The following TRIM55 variants were observed in gnomAD, a reference collection of about 807,000 sequenced individuals.
TRIM55 encodes the protein tripartite motif-containing protein 55.
A neutral mutation model predicts 60.9 loss-of-function variants in TRIM55; 50 were observed. That is an observed-to-expected ratio of 0.82 (90% CI 0.65 to 1.04). The LOEUF (loss-of-function observed/expected upper bound fraction) is 1.04, where lower values mean the gene tolerates loss of function less well. Among genes scored for constraint, TRIM55 ranks in the 50% least tolerant of loss-of-function variants. The pLI is 0.00. For synonymous variants in TRIM55, 237 were observed against 238.1 expected (o/e 1.00, Z 0.04); for missense variants, 681 against 666.9 (o/e 1.02, Z -0.23).
At chr8:66,162,857 T>G (rs1375478670) in intron 9 of TRIM55, among the ~76,000 whole-genome samples, 1 of 152,158 alleles carries the variant, frequency 6.6e-6, no homozygotes, top group Non-Finnish European at 1.5e-5. Flanking sequence ...TCTTCTAGAA[T>G]TTTTATAGTG....
intron 9 of TRIM55, among the ~76,000 whole-genome samples, chr8:66,161,845 G>C (rs570450438): frequency 6.6e-6 from 1 of 151,116 alleles, no homozygotes; most frequent in Admixed American, 6.6e-5. Flanking sequence ...GTATAGCAGA[G>C]CTACTGATTT....
the TRIM55 span, chr8:66,113,469 G>A: frequency 1.1e-5 from 5 of 454,322 alleles, no homozygotes; most frequent in Non-Finnish European, 2.2e-5. Context: ...AGACAAGTGC[G>A]GTTTTTTTCT....
the TRIM55 span, among the ~76,000 whole-genome samples, chr8:66,118,982 C>T: frequency 3.3e-3 from 508 of 152,302 alleles, 14 homozygotes; most frequent in East Asian, 0.024. Context: ...TTTAAGAGGA[C>T]CTGGTTTGCA....
At chr8:66,165,936 A>G (rs543359906) in intron 9 of TRIM55, among the ~76,000 whole-genome samples, 1 of 145,710 alleles carries the variant, frequency 6.9e-6, no homozygotes, top group East Asian at 1.9e-4. Flanking sequence ...TACAACTGCA[A>G]TATTATTTTT....
chr8:66,159,517 T>C (rs1454005506), intron 9 of TRIM55, among the ~76,000 whole-genome samples: 5 of 152,238 alleles, frequency 3.3e-5, no homozygotes, highest in Non-Finnish European at 7.3e-5. Flanking sequence ...TAGGTCTTTG[T>C]GTGAATACAT....
intron 4 of TRIM55, among the ~76,000 whole-genome samples, chr8:66,141,332 T>A (rs1809805652): frequency 6.6e-6 from 1 of 152,168 alleles, no homozygotes; most frequent in African/African-American, 2.4e-5. Context: ...TTACCTCCGC[T>A]TCTTGAGAGT....
intron 9 of TRIM55, among the ~76,000 whole-genome samples, chr8:66,168,983 C>T (rs968911447): frequency 6.6e-5 from 10 of 152,108 alleles, no homozygotes; most frequent in Non-Finnish European, 1.0e-4. Context: ...GACAGGTAAG[C>T]GTTAGTGGAT....
chr8:66,142,966 G>A (rs976687369), intron 4 of TRIM55, among the ~76,000 whole-genome samples: 3 of 152,174 alleles, frequency 2.0e-5, no homozygotes, highest in African/African-American at 7.2e-5. Flanking sequence ...TCTTTTTTCA[G>A]TATTGTTAAT....
chr8:66,137,758 G>GAAAAAAA (rs34634925), intron 4 of TRIM55, among the ~76,000 whole-genome samples: 1 of 116,316 alleles, frequency 8.6e-6, no homozygotes, highest in Non-Finnish European at 1.8e-5. Context: ...AATCAACACT[G>GAAAAAAA]AAAAAAAAAA....
At chr8:66,127,515 G>A (rs1808877048) in intron 1 of TRIM55, 79 bp downstream of exon 1, 2 of 1,523,864 alleles carry the variant, frequency 1.3e-6, no homozygotes, top group East Asian at 2.3e-5. Flanking sequence ...TTAACATTGA[G>A]GTGAAATCCT....
chr8:66,149,484 G>T lies in TRIM55; in HGVS notation c.604-161G>T, dbSNP rs115834805. On this transcript the variant is annotated intron_variant, in intron 4 of 9. Transcript: ENST00000315962. Reference sequence around the variant, plus strand: ...ATTTGTTAAAAATGGAATTTCCAAAGCACCAACATAGTGGGTATCCATACC... The same window carrying T: ...ATTTGTTAAAAATGGAATTTCCAAATCACCAACATAGTGGGTATCCATACC... Among the ~76,000 whole-genome samples the T allele has an allele frequency of 5.1e-3, 769 of 152,242 alleles. 8 individuals carry two copies. Among genetic ancestry groups the T allele is most frequent in the African/African-American group, 0.018 (750 of 41,538 alleles).
At chr8:66,128,234 G>A (rs16932535) in intron 1 of TRIM55, 70 bp from the exon 2 acceptor site, 139,070 of 1,394,040 alleles carry the variant, frequency 0.1, 10,919 homozygotes, top group African/African-American at 0.41. Flanking sequence ...GTAGCAGAGA[G>A]TGAAAATAAG....
At chr8:66,120,492 G>A in the TRIM55 span, among the ~76,000 whole-genome samples, 2 of 152,186 alleles carry the variant, frequency 1.3e-5, no homozygotes, top group Non-Finnish European at 2.9e-5. Flanking sequence ...TGTGATGTCA[G>A]CCCAACCTCC....
At chr8:66,120,486 A>T in the TRIM55 span, among the ~76,000 whole-genome samples, 1 of 152,192 alleles carries the variant, frequency 6.6e-6, no homozygotes, top group Non-Finnish European at 1.5e-5. Flanking sequence ...AAGCCATGTG[A>T]TGTCAGCCCA....
chr8:66,147,703 G>A (rs1810170637), intron 4 of TRIM55, among the ~76,000 whole-genome samples: 1 of 149,164 alleles, frequency 6.7e-6, no homozygotes, highest in African/African-American at 2.5e-5. Flanking sequence ...CCTGAGGCAG[G>A]AGAATCACTT....
chr8:66,168,265 CTG>C (rs1218984898), intron 9 of TRIM55, among the ~76,000 whole-genome samples: 2 of 152,206 alleles, frequency 1.3e-5, no homozygotes, highest in African/African-American at 4.8e-5. Flanking sequence ...TGACCCTTGG[CTG>C]TGAGTCAGAG....
chr8:66,154,472 A>T lies in TRIM55; in HGVS notation c.1524+138A>T, dbSNP rs1381908489. 6.4e-6 allele frequency: 6 copies of T among 934,612 alleles called. No homozygotes were observed. In the African/African-American group the frequency reaches 1.0e-4, roughly 16 times the overall value. The allele number at this position is 934,612 out of a possible 1,614,324, so 57.9% of individuals were successfully genotyped here. A position where few individuals can be genotyped will look rare whatever the true frequency, so the allele number is the denominator to read the frequency against. ...CAGGGGAAAAGTACAGAAACAATTC[A>T]TCCCCCAATGTTGGCTTGTTTTGAG... On this transcript the variant is annotated intron_variant, in intron 9 of 9. Transcript: ENST00000315962.
intron 9 of TRIM55, among the ~76,000 whole-genome samples, chr8:66,166,022 C>T (rs1245106989): frequency 1.3e-5 from 2 of 151,728 alleles, no homozygotes; most frequent in African/African-American, 4.9e-5. Flanking sequence ...CAGGTCCCCA[C>T]AGCTGGGCTG....
Position 66,157,599 on chromosome 8 carries a change from G to A in TRIM55, c.1524+3265G>A, listed in dbSNP as rs114744943. 7.2e-3 allele frequency among the ~76,000 whole-genome samples: 1,097 copies of A among 152,240 alleles called. 10 individuals carry two copies. Among genetic ancestry groups the A allele is most frequent in the African/African-American group, 0.025 (1,047 of 41,526 alleles). On this transcript the variant is annotated intron_variant, in intron 9 of 9. Coordinates refer to ENST00000315962, the MANE Select transcript of TRIM55 (RefSeq NM_184085.2). Reference sequence around the variant, plus strand: ...TGGTGGTCTTATCTCTCTTTACTAGGTGGTCCCGTGTCAGAGTAATGCTGC... The same window carrying A: ...TGGTGGTCTTATCTCTCTTTACTAGATGGTCCCGTGTCAGAGTAATGCTGC...
Sources: allele counts gnomAD v4.1 joint callset (sites outside exome capture counted in the v4.1 genomes callset), GRCh38; gene constraint gnomAD v4.1.1; transcripts MANE v1.5; gene names NCBI Gene and HGNC (gene_info 2026-07-23, HGNC 2026-07-21).